The following CFAP54 variants were observed in gnomAD, a reference collection of about 807,000 sequenced individuals.
CFAP54 encodes the protein cilia and flagella associated protein 54.
In CFAP54, 290 loss-of-function variants were observed where a neutral mutation model predicts 370.4. The observed-to-expected ratio is 0.78, with a 90% CI of 0.71 to 0.86. CFAP54 has a LOEUF of 0.86. Ranked by LOEUF, CFAP54 falls within the 40% of genes least tolerant of loss-of-function variation. The pLI, the probability that CFAP54 is intolerant of heterozygous loss-of-function variation, is 0.00. For synonymous variants in CFAP54, 1,206 were observed against 1,236.5 expected (o/e 0.98, Z 0.52); for missense variants, 3,399 against 3,528.7 (o/e 0.96, Z 0.93).
chr12:96,825,677 A>T (rs1223452952), intron 65 of CFAP54, among the ~76,000 whole-genome samples: 1 of 122,070 alleles, frequency 8.2e-6, no homozygotes, highest in East Asian at 2.3e-4. Context: ...AATATATTAT[A>T]TATAACATAT....
At position 96,534,127 on chromosome 12, in the gene CFAP54, A is replaced by G. The variant is rs1341018916; in HGVS notation, c.1605A>G (p.Pro535=). The G allele has an allele frequency of 2.6e-6, 4 of 1,533,782 alleles. No individual in the cohort carries two copies. The South Asian group carries it at 3.6e-5, about 14-fold the overall frequency. Reference sequence around the variant, plus strand: ...TAACTCTTCTGATTGCAATGGAACCACTAATCAACGTGAAGAGAAACAAAG... The same window carrying G: ...TAACTCTTCTGATTGCAATGGAACCGCTAATCAACGTGAAGAGAAACAAAG... The part of the protein sequence containing the change: ...KDLTLLIAME[P]LINVKRNKGL... Residue 535 remains proline, a synonymous_variant, in exon 11 of 68, where the codon CCA becomes CCG. Coordinates refer to ENST00000524981, the MANE Select transcript of CFAP54 (RefSeq NM_001306084.2).
rs539076905 is a variant in CFAP54, at chr12:96,635,464, G to A, written c.4316+4813G>A. Among the ~76,000 whole-genome samples the A allele has an allele frequency of 2.0e-5, 3 of 152,238 alleles. No individual in the cohort carries two copies. The South Asian group carries it at 6.2e-4, about 32-fold the overall frequency. ...GACACAAACCATGTGGTGTTTTCCA[G>A]CACCAACCAATTCTCCAGCACCAGC... On this transcript the variant is annotated intron_variant, in intron 32 of 67. Transcript: ENST00000524981.
chr12:96,866,165 A>C (rs983425678), intron 67 of CFAP54, among the ~76,000 whole-genome samples: 1 of 151,950 alleles, frequency 6.6e-6, no homozygotes, highest in African/African-American at 2.4e-5. Flanking sequence ...CTTTACTAAC[A>C]CTCATTTTCT....
intron 55 of CFAP54, among the ~76,000 whole-genome samples, chr12:96,748,238 G>C (rs1218280343): frequency 7.2e-5 from 11 of 152,158 alleles, no homozygotes; most frequent in Admixed American, 7.2e-4. Context: ...GAGATATCTA[G>C]AAGTTTCGCT....
chr12:96,667,206 G>T (rs1957090576), intron 39 of CFAP54, among the ~76,000 whole-genome samples: 1 of 152,104 alleles, frequency 6.6e-6, no homozygotes, highest in Non-Finnish European at 1.5e-5. Flanking sequence ...GCTTTTCTGT[G>T]CACACAGTGC....
chr12:96,507,524 C>CACACAT (rs1464899324), intron 4 of CFAP54, among the ~76,000 whole-genome samples: 1 of 110,158 alleles, frequency 9.1e-6, no homozygotes, highest in Non-Finnish European at 1.8e-5. Flanking sequence ...GAGGAACACA[C>CACACAT]ACACACACAT....
intron 4 of CFAP54, among the ~76,000 whole-genome samples, chr12:96,508,243 G>A (rs1310877645): frequency 1.4e-5 from 2 of 143,726 alleles, no homozygotes; most frequent in Non-Finnish European, 3.0e-5. Flanking sequence ...AAGCCATTCT[G>A]CATCAGCCTT....
At chr12:96,684,147 T>G (rs930507610) in intron 40 of CFAP54, among the ~76,000 whole-genome samples, 2 of 152,204 alleles carry the variant, frequency 1.3e-5, no homozygotes, top group African/African-American at 2.4e-5. Context: ...AAATCTGATA[T>G]GTGGTGATCT....
intron 26 of CFAP54, among the ~76,000 whole-genome samples, chr12:96,617,523 G>A (rs1009838039): frequency 6.6e-6 from 1 of 152,180 alleles, no homozygotes; most frequent in Non-Finnish European, 1.5e-5. Flanking sequence ...CCAACCTCAA[G>A]AACATTCCTG....
At chr12:96,528,623 T>C (rs1955408199) in intron 9 of CFAP54, among the ~76,000 whole-genome samples, 1 of 152,200 alleles carries the variant, frequency 6.6e-6, no homozygotes, top group African/African-American at 2.4e-5. Context: ...CCTCCATAGA[T>C]ATAAAATTTT....
chr12:96,752,831 T>G (rs1958203762), intron 55 of CFAP54, among the ~76,000 whole-genome samples: 1 of 152,210 alleles, frequency 6.6e-6, no homozygotes, highest in African/African-American at 2.4e-5. Flanking sequence ...ATGTTGTAGT[T>G]TAGAGTGTGG....
chr12:96,838,588 C>T lies in CFAP54; in HGVS notation c.9171+9500C>T, dbSNP rs183503547. Among the ~76,000 whole-genome samples the T allele has an allele frequency of 6.2e-4, 95 of 152,086 alleles. 1 individual carries two copies. The highest frequency in any genetic ancestry group is 6.8e-3 in the Middle Eastern group (2 of 294). ...AGGGGGGAAGAGCTGCTTATAAAAC[C>T]GTGACATCTCATGAGAACTCACTCA... is the stretch of plus-strand genomic sequence containing the variant. On this transcript the variant is annotated intron_variant, in intron 66 of 67. Coordinates refer to ENST00000524981, the MANE Select transcript of CFAP54 (RefSeq NM_001306084.2).
intron 20 of CFAP54, among the ~76,000 whole-genome samples, chr12:96,579,408 T>G (rs1956010211): frequency 6.6e-6 from 1 of 152,222 alleles, no homozygotes; most frequent in Admixed American, 6.5e-5. Flanking sequence ...TGGTTCATTC[T>G]GTACAAATTT....
intron 1 of CFAP54, among the ~76,000 whole-genome samples, chr12:96,490,980 C>CT (rs71307527): frequency 0.014 from 2,053 of 149,214 alleles, 38 homozygotes; most frequent in East Asian, 0.063. Flanking sequence ...GCAATTTTAT[C>CT]TTTTTTTTTT....
At chr12:96,816,065 GA>G (rs1958971508) in intron 64 of CFAP54, among the ~76,000 whole-genome samples, 1 of 152,078 alleles carries the variant, frequency 6.6e-6, no homozygotes, top group Non-Finnish European at 1.5e-5. Context: ...GGTTCCATAT[GA>G]AATTTAAAGT....
At position 96,527,138 on chromosome 12, in the gene CFAP54, C is replaced by T. The variant is rs1017702321; in HGVS notation, c.1159-108C>T. The T allele has an allele frequency of 1.2e-5, 12 of 968,088 alleles. No individual in the cohort carries two copies. The African/African-American group carries it at 1.8e-4, about 15-fold the overall frequency. 60.0% of individuals were successfully genotyped at this position (968,088 alleles called of 1,614,324 possible). A position where few individuals can be genotyped will look rare whatever the true frequency, so the allele number is the denominator to read the frequency against. On this transcript the variant is annotated intron_variant, in intron 8 of 67. Coordinates refer to ENST00000524981, the MANE Select transcript of CFAP54 (RefSeq NM_001306084.2). ...TCTTGAACTCCTTGGGTCAAGCAAT[C>T]CTCCTGCCTTGGCCTCCCAAAGTGT...
chr12:96,780,824 C>T (rs1958573198), intron 60 of CFAP54, among the ~76,000 whole-genome samples: 3 of 152,098 alleles, frequency 2.0e-5, no homozygotes, highest in Admixed American at 2.0e-4. Context: ...GGCTTCTCAC[C>T]AGCAATAGTA....
intron 27 of CFAP54, among the ~76,000 whole-genome samples, chr12:96,622,015 T>G (rs186986871): frequency 1.3e-5 from 2 of 150,974 alleles, no homozygotes. Context: ...TTACACCCAG[T>G]TGGACACTGG....
chr12:96,532,138 C>T, intron 9 of CFAP54, among the ~76,000 whole-genome samples: 1 of 152,216 alleles, frequency 6.6e-6, no homozygotes, highest in African/African-American at 2.4e-5. Flanking sequence ...AACACTTTCA[C>T]TTAAATTCTT....
Sources: gnomAD v4.1 joint callset for allele counts (sites outside exome capture counted in the v4.1 genomes callset) on GRCh38, gnomAD v4.1.1 for gene constraint, MANE v1.5 for transcripts, NCBI Gene and HGNC (gene_info 2026-07-23, HGNC 2026-07-21) for gene names.